Variants in DARS1 observed in about 807,000 individuals in gnomAD.
DARS1 encodes aspartate--tRNA ligase, cytoplasmic.
Under a neutral mutation model 68.8 loss-of-function variants are expected in DARS1, and 51 were observed. The ratio of observed to expected loss-of-function variants is 0.74; its 90% CI spans 0.59 to 0.94. The LOEUF (loss-of-function observed/expected upper bound fraction) is 0.94. Among genes scored for constraint, DARS1 ranks in the 40% least tolerant of loss-of-function variants. DARS1 has a pLI of 0.00. For synonymous variants in DARS1, 203 were observed against 190.4 expected (o/e 1.07, Z -0.55); for missense variants, 607 against 597.3 (o/e 1.02, Z -0.17).
chr2:135,923,815 C>T (rs909078069), intron 8 of DARS1, among the ~76,000 whole-genome samples: 1 of 152,018 alleles, frequency 6.6e-6, no homozygotes, highest in East Asian at 1.9e-4. Context: ...GTTGGGAGTT[C>T]GAGACCAGCC....
chr2:135,977,036 G>T (rs1159390925), intron 3 of DARS1, among the ~76,000 whole-genome samples: 1 of 152,090 alleles, frequency 6.6e-6, no homozygotes, highest in Non-Finnish European at 1.5e-5. Context: ...ACCAAACAAA[G>T]CAAGAAAATA....
At chr2:135,915,118 TAAAC>T (rs1165804207) in intron 11 of DARS1, among the ~76,000 whole-genome samples, 1 of 152,122 alleles carries the variant, frequency 6.6e-6, no homozygotes, top group African/African-American at 2.4e-5. Context: ...TTTTTTTTGT[TAAAC>T]AAAAATAAAG....
At chr2:135,980,924 T>C (rs963347155) in intron 2 of DARS1, among the ~76,000 whole-genome samples, 2 of 152,168 alleles carry the variant, frequency 1.3e-5, no homozygotes. Flanking sequence ...CACCCGAACA[T>C]ACCCGAAGCC....
intron 10 of DARS1, among the ~76,000 whole-genome samples, chr2:135,916,962 G>A (rs1681018447): frequency 6.6e-6 from 1 of 152,116 alleles, no homozygotes; most frequent in African/African-American, 2.4e-5. Context: ...TTTGGGAGGA[G>A]GATCACTTGA....
chr2:135,977,130 C>T (rs1575408885), intron 3 of DARS1, among the ~76,000 whole-genome samples: 1 of 152,174 alleles, frequency 6.6e-6, no homozygotes, highest in East Asian at 1.9e-4. Flanking sequence ...AACTGTCATG[C>T]TCATTAACAT....
intron 4 of DARS1, among the ~76,000 whole-genome samples, chr2:135,956,034 C>T (rs1268211799): frequency 7.9e-5 from 12 of 152,056 alleles, no homozygotes; most frequent in Admixed American, 7.9e-4. Context: ...TGAATTAGTA[C>T]CACACTAGAC....
intron 4 of DARS1, among the ~76,000 whole-genome samples, chr2:135,958,865 C>T (rs1335081139): frequency 2.6e-5 from 4 of 151,980 alleles, no homozygotes; most frequent in Non-Finnish European, 5.9e-5. Context: ...TACATATAAC[C>T]AGTGACAAGG....
rs1426607525 is a variant in DARS1, at chr2:135,920,436, C to T, written c.959+17G>A. 1 of 1,606,264 alleles carries T rather than the reference C, an allele frequency of 6.2e-7. No individual in the cohort carries two copies. Among genetic ancestry groups the T allele is most frequent in the Admixed American group, 1.7e-5 (1 of 58,676 alleles). The stretch of plus-strand genomic sequence containing the variant: ...ATTTGAAATTAAGTCCATCTAGGTG[C>T]ATAAAATACTTTTTACCTTTCTTGA... On this transcript the variant is annotated intron_variant, in intron 10 of 15. Coordinates refer to ENST00000264161, the MANE Select transcript of DARS1 (RefSeq NM_001349.4).
Position 135,920,434 on chromosome 2 carries a change from T to A in DARS1, c.959+19A>T, listed in dbSNP as rs1681090104. 1 of 1,606,198 alleles carries A rather than the reference T, an allele frequency of 6.2e-7. No homozygotes were observed. The highest frequency in any genetic ancestry group is 8.5e-7 in the Non-Finnish European group (1 of 1,177,010). The stretch of plus-strand genomic sequence containing the variant: ...ACATTTGAAATTAAGTCCATCTAGG[T>A]GCATAAAATACTTTTTACCTTTCTT... On this transcript the variant is annotated intron_variant, in intron 10 of 15. Coordinates refer to ENST00000264161, the MANE Select transcript of DARS1 (RefSeq NM_001349.4).
At chr2:135,985,201 G>A (rs1682747039) in intron 1 of DARS1, 1 of 805,144 alleles carries the variant, frequency 1.2e-6, no homozygotes, top group South Asian at 2.4e-5. Context: ...AAACTCCCAG[G>A]TGACCCCCGC....
At chr2:135,921,861 C>A (rs145902508) in intron 9 of DARS1, among the ~76,000 whole-genome samples, 67 of 152,246 alleles carry the variant, frequency 4.4e-4, no homozygotes, top group African/African-American at 1.5e-3. Context: ...TGGTACCTAG[C>A]ACAAGGTTAT....
chr2:135,937,285 C>T (rs574174048), intron 5 of DARS1, among the ~76,000 whole-genome samples: 4 of 152,094 alleles, frequency 2.6e-5, no homozygotes, highest in African/African-American at 4.8e-5. Flanking sequence ...AACAAGGTTT[C>T]GCCATGTTGA....
At chr2:135,948,877 C>CA (rs35323281) in intron 4 of DARS1, among the ~76,000 whole-genome samples, 58,189 of 131,938 alleles carry the variant, frequency 0.44, 13,646 homozygotes, top group Middle Eastern at 0.75. Flanking sequence ...CTCCCGTCTC[C>CA]AAAAAAAAAA....
intron 5 of DARS1, among the ~76,000 whole-genome samples, chr2:135,937,531 T>C (rs1390894133): frequency 3.3e-5 from 5 of 152,208 alleles, no homozygotes; most frequent in Non-Finnish European, 7.3e-5. Context: ...AATTAGTTAA[T>C]TAATCATTCT....
chr2:135,977,001 G>A (rs1682516261), intron 3 of DARS1, among the ~76,000 whole-genome samples: 1 of 151,980 alleles, frequency 6.6e-6, no homozygotes, highest in African/African-American at 2.4e-5. Context: ...CTATTATTCG[G>A]TAGGGTTCTT....
chr2:135,920,198 G>A (rs1681086039), intron 10 of DARS1, among the ~76,000 whole-genome samples: 1 of 152,168 alleles, frequency 6.6e-6, no homozygotes, highest in Non-Finnish European at 1.5e-5. Flanking sequence ...ACAAAATACA[G>A]TTGGACTGTT....
intron 3 of DARS1, 25 bp from the exon 4 acceptor site, chr2:135,961,523 A>G (rs757316784): frequency 9.3e-7 from 1 of 1,077,326 alleles, no homozygotes; most frequent in Admixed American, 1.7e-5. Context: ...AAGAACACAA[A>G]TGTATTAAGG....
At chr2:135,939,172 G>A (rs542351659) in intron 5 of DARS1, among the ~76,000 whole-genome samples, 44 of 152,222 alleles carry the variant, frequency 2.9e-4, no homozygotes, top group African/African-American at 1.1e-3. Context: ...ATAGACATCT[G>A]CAGAACTCTC....
At chr2:135,947,423 A>AC (rs1216569831) in intron 4 of DARS1, among the ~76,000 whole-genome samples, 1 of 151,504 alleles carries the variant, frequency 6.6e-6, no homozygotes, top group African/African-American at 2.4e-5. Flanking sequence ...AAAAAAAAAA[A>AC]GAAAGAAAGA....
Sources: gnomAD v4.1 joint callset for allele counts (sites outside exome capture counted in the v4.1 genomes callset) on GRCh38, gnomAD v4.1.1 for gene constraint, MANE v1.5 for transcripts, NCBI Gene and HGNC (gene_info 2026-07-23, HGNC 2026-07-21) for gene names.